NUDCD1: variants seen among roughly 807,000 people sequenced by gnomAD.
NUDCD1 encodes nudC domain-containing protein 1.
A neutral mutation model predicts 67.8 loss-of-function variants in NUDCD1; 60 were observed. The ratio of observed to expected loss-of-function variants is 0.88; its 90% confidence interval spans 0.72 to 1.10. The LOEUF (loss-of-function observed/expected upper bound fraction) is 1.10, where lower values mean the gene tolerates loss of function less well. NUDCD1 is among the 50% of genes least tolerant of loss of function. The pLI is 0.00. For missense variants in NUDCD1, 643 were observed against 695.0 expected (o/e 0.93, Z 0.84); for synonymous variants, 244 against 230.8 (o/e 1.06, Z -0.52).
chr8:109,251,453 G>A (rs542610226), intron 8 of NUDCD1, among the ~76,000 whole-genome samples: 2 of 152,194 alleles, frequency 1.3e-5, no homozygotes, highest in South Asian at 2.1e-4. Flanking sequence ...TTACAGGCAT[G>A]AGCCACCGTG....
intron 2 of NUDCD1, among the ~76,000 whole-genome samples, chr8:109,317,973 A>G (rs1036846734): frequency 1.4e-4 from 21 of 152,244 alleles, no homozygotes; most frequent in Admixed American, 5.2e-4. Flanking sequence ...AGTATAACAT[A>G]TAAGTTACCT....
At chr8:109,328,121 A>G (rs1411300837) in intron 1 of NUDCD1, among the ~76,000 whole-genome samples, 1 of 152,226 alleles carries the variant, frequency 6.6e-6, no homozygotes, top group Non-Finnish European at 1.5e-5. Context: ...TTTTCAAGAC[A>G]TCAGACATAA....
Position 109,305,848 on chromosome 8 carries a change from C to T in NUDCD1, c.274-9279G>A, listed in dbSNP as rs964735551. 2.8e-4 allele frequency among the ~76,000 whole-genome samples: 42 copies of T among 152,118 alleles called. 1 individual carries two copies. The highest frequency in any genetic ancestry group is 4.4e-5 in the Non-Finnish European group (3 of 68,028). ...CATAGATCCAGAGTAAAGCTGTGCC[C>T]GTCAGCCAGCCAGCCTGATTTCTCC... On this transcript the variant is annotated intron_variant, in intron 2 of 9. Coordinates refer to ENST00000239690, the MANE Select transcript of NUDCD1 (RefSeq NM_032869.4).
intron 8 of NUDCD1, among the ~76,000 whole-genome samples, chr8:109,258,169 T>C (rs1813781765): frequency 6.6e-6 from 1 of 152,156 alleles, no homozygotes; most frequent in Non-Finnish European, 1.5e-5. Context: ...TATTATTTCA[T>C]ATGCAGCCCA....
chr8:109,245,392 G>A lies in NUDCD1; in HGVS notation c.1389C>T (p.Ala463=). The A allele has an allele frequency of 6.2e-7, 1 of 1,613,698 alleles. No homozygotes were observed. Among genetic ancestry groups the A allele is most frequent in the Non-Finnish European group, 8.5e-7 (1 of 1,179,860 alleles). The part of the protein sequence containing the change: ...PCFCLRHDVD[A]LLWQPHSSKQ... The stretch of plus-strand genomic sequence containing the variant: ...TGCTGGAGTGTGGTTGCCAGAGTAG[G>A]GCATCAACATCATGGCGCAAACAGA... Residue 463 remains alanine (A), a synonymous_variant, in exon 9 of 10, where the codon GCC becomes GCT. Coordinates refer to ENST00000239690, the MANE Select transcript of NUDCD1 (RefSeq NM_032869.4).
chr8:109,332,177 T>C (rs886828807), intron 1 of NUDCD1, among the ~76,000 whole-genome samples: 2 of 151,992 alleles, frequency 1.3e-5, no homozygotes, highest in Non-Finnish European at 2.9e-5. Flanking sequence ...CAAATCAAGA[T>C]AGAATTTAAA....
At chr8:109,319,803 G>C (rs1412877173) in intron 2 of NUDCD1, among the ~76,000 whole-genome samples, 1 of 152,156 alleles carries the variant, frequency 6.6e-6, no homozygotes. Flanking sequence ...TCATCAGGGA[G>C]CCTGCCCCAA....
chr8:109,314,186 T>A (rs933760545), intron 2 of NUDCD1, among the ~76,000 whole-genome samples: 6 of 152,180 alleles, frequency 3.9e-5, no homozygotes, highest in Admixed American at 1.3e-4. Context: ...TCTCACATAA[T>A]CATTTTCTTT....
In NUDCD1 at chr8:109,293,435, T is replaced by G. The variant is rs757940242; in HGVS notation, c.549A>C (p.Leu183=). 1 of 1,587,312 alleles carries G rather than the reference T, an allele frequency of 6.3e-7. No homozygotes were observed. The highest frequency in any genetic ancestry group is 8.6e-7 in the Non-Finnish European group (1 of 1,162,688). Residue 183 remains leucine, a synonymous_variant, in exon 4 of 10, where the codon CTA becomes CTC. Coordinates refer to ENST00000239690, the MANE Select transcript of NUDCD1 (RefSeq NM_032869.4). ...ATTCCTCTTTCTCTATTCGAAGAAG[T>G]AGGGTAGCTATAGAATGTTCTTCAG... ...LNAEEHSIAT[L]LLRIEKEELD... is the part of the protein sequence containing the mutation.
chr8:109,329,393 T>C (rs900059516), intron 1 of NUDCD1, among the ~76,000 whole-genome samples: 3 of 151,790 alleles, frequency 2.0e-5, no homozygotes, highest in Non-Finnish European at 4.4e-5. Flanking sequence ...ATAAGAATCA[T>C]AAAGAAAACC....
intron 2 of NUDCD1, among the ~76,000 whole-genome samples, chr8:109,297,887 T>C (rs1366377605): frequency 1.3e-5 from 2 of 152,234 alleles, no homozygotes; most frequent in African/African-American, 2.4e-5. Context: ...TTTACAAGTT[T>C]TTCTATAGGA....
chr8:109,311,559 G>GTGTATATATATATATATATATATA lies in NUDCD1; in HGVS notation c.273+10749_273+10750insTATATATATATATATATATATACA. Reference sequence around the variant, plus strand: ...AATGAGTGGATAAAGAAACTGTGGTGTATATATATATATGATGGGATACTG... The same window carrying GTGTATATATATATATATATATATA: ...AATGAGTGGATAAAGAAACTGTGGTGTGTATATATATATATATATATATATATATATATATATGATGGGATACTG... On this transcript the variant is annotated intron_variant, in intron 2 of 9. Coordinates refer to ENST00000239690, the MANE Select transcript of NUDCD1 (RefSeq NM_032869.4). Among the ~76,000 whole-genome samples the GTGTATATATATATATATATATATA allele has an allele frequency of 1.4e-3, 172 of 125,142 alleles. 13 individuals are homozygous for GTGTATATATATATATATATATATA. The highest frequency in any genetic ancestry group is 5.7e-3 in the African/African-American group (163 of 28,730). The allele number at this position is 125,142 out of a possible 152,430, so 82.1% of individuals were successfully genotyped here.
At chr8:109,332,865 T>C (rs1815842821) in intron 1 of NUDCD1, among the ~76,000 whole-genome samples, 1 of 152,246 alleles carries the variant, frequency 6.6e-6, no homozygotes, top group Admixed American at 6.5e-5. Context: ...TCAACTTAGA[T>C]ATTAACTCCT....
chr8:109,245,957 G>A lies in NUDCD1; in HGVS notation c.1300-476C>T, dbSNP rs1170950449. Reference sequence around the variant, plus strand: ...AGCTCCACCTCCTGTCAGATCAGCAGTGGAATTAGATTCTCACAGGAGGGT... The same window carrying A: ...AGCTCCACCTCCTGTCAGATCAGCAATGGAATTAGATTCTCACAGGAGGGT... On this transcript the variant is annotated intron_variant, in intron 8 of 9. Coordinates refer to ENST00000239690, the MANE Select transcript of NUDCD1 (RefSeq NM_032869.4). Among the ~76,000 whole-genome samples, 4 of 152,176 alleles carry A rather than the reference G, an allele frequency of 2.6e-5. No homozygotes were observed. In the East Asian group the frequency reaches 7.7e-4, roughly 29 times the overall value.
rs1219794487 is a variant in NUDCD1, at chr8:109,327,966, TA to T, written c.119-5504del. On this transcript the variant is annotated intron_variant, in intron 1 of 9. Transcript: ENST00000239690. ...TCAATTGTTTCTAGCTCTATTATTC[TA>T]CAGAAAATATTTTTTCACTTAAAAA... Among the ~76,000 whole-genome samples, 3 of 152,234 alleles carry T rather than the reference TA, an allele frequency of 2.0e-5. No individual in the cohort carries two copies. In the East Asian group the frequency reaches 5.8e-4, roughly 29 times the overall value.
chr8:109,250,711 A>G (rs1267539239), intron 8 of NUDCD1, among the ~76,000 whole-genome samples: 1 of 152,036 alleles, frequency 6.6e-6, no homozygotes, highest in African/African-American at 2.4e-5. Context: ...CTTTTTCTGC[A>G]ACTACTAGGA....
In NUDCD1 at chr8:109,296,523, T is replaced by C; in HGVS notation, c.320A>G (p.Asp107Gly). Residue 107 changes from aspartate to glycine, a missense_variant, in exon 3 of 10, where the codon GAT (aspartate) becomes GGT (glycine). By Grantham distance (94) the Asp-to-Gly change is moderately conservative. Transcript: ENST00000239690. ...AAGACGGTTGTCACATGCTGTCAAA[T>C]CTGTAGGAAGTCGAAACACCTCTCG... ...KPREVFRLPTDLTACDNRLCA... is the reference protein window; with the variant it reads ...KPREVFRLPTGLTACDNRLCA... 1.2e-6 allele frequency: 2 copies of C among 1,611,838 alleles called. No individual in the cohort carries two copies. The highest frequency in any genetic ancestry group is 1.1e-5 in the South Asian group (1 of 90,742).
intron 8 of NUDCD1, among the ~76,000 whole-genome samples, chr8:109,261,961 C>A (rs1813872372): frequency 6.6e-6 from 1 of 152,022 alleles, no homozygotes; most frequent in African/African-American, 2.4e-5. Flanking sequence ...TACACATACA[C>A]ACACAGGTAT....
chr8:109,312,455 C>G (rs1287638886), intron 2 of NUDCD1, among the ~76,000 whole-genome samples: 1 of 151,972 alleles, frequency 6.6e-6, no homozygotes, highest in African/African-American at 2.4e-5. Flanking sequence ...TAACTATAGG[C>G]TTTTTGGAGA....
Sources: allele counts gnomAD v4.1 joint callset (sites outside exome capture counted in the v4.1 genomes callset), GRCh38; gene constraint gnomAD v4.1.1; transcripts MANE v1.5; gene names NCBI Gene and HGNC (gene_info 2026-07-23, HGNC 2026-07-21).